DNMBP: variants seen among roughly 807,000 people sequenced by gnomAD.
The protein encoded by DNMBP is dynamin-binding protein.
A neutral mutation model predicts 150.0 loss-of-function variants in DNMBP; 87 were observed. The ratio of observed to expected loss-of-function variants is 0.58; its 90% confidence interval spans 0.49 to 0.69. The LOEUF (loss-of-function observed/expected upper bound fraction) is 0.69. Among genes scored for constraint, DNMBP ranks in the 30% least tolerant of loss-of-function variants. DNMBP has a pLI of 0.00. For synonymous variants in DNMBP, 711 were observed against 750.4 expected (o/e 0.95, Z 0.86); for missense variants, 1,774 against 1,949.0 (o/e 0.91, Z 1.69).
In DNMBP at chr10:99,881,585, C is replaced by A. The variant is rs4454648; in HGVS notation, c.3998-1224G>T. ...TTGATGCATTTCCTGTACCTGACAG[C>A]TGATCTGAATACTGTGGCTTCCTGC... is the stretch of plus-strand genomic sequence containing the variant. On this transcript the variant is annotated intron_variant, in intron 15 of 16. Transcript: ENST00000324109. Among the ~76,000 whole-genome samples, 3 of 152,314 alleles carry A rather than the reference C, an allele frequency of 2.0e-5. No individual in the cohort carries two copies. In the East Asian group the frequency reaches 5.8e-4, roughly 29 times the overall value.
intron 1 of DNMBP, among the ~76,000 whole-genome samples, chr10:99,996,896 C>T (rs1005155597): frequency 6.6e-6 from 1 of 152,142 alleles, no homozygotes; most frequent in Non-Finnish European, 1.5e-5. Flanking sequence ...AAGAAAAATA[C>T]AAGAAAACGG....
intron 2 of DNMBP, among the ~76,000 whole-genome samples, chr10:99,970,969 C>T (rs1354840350): frequency 1.6e-4 from 3 of 19,108 alleles, no homozygotes; most frequent in South Asian, 1.9e-3. Flanking sequence ...AAGACTCCGT[C>T]TCAAAAAAAA....
chr10:99,913,996 G>A (rs761660532), intron 4 of DNMBP: 19 of 1,504,684 alleles, frequency 1.3e-5, no homozygotes, highest in Non-Finnish European at 1.5e-5. Context: ...GTGGGCCTGA[G>A]GGTAAGCAGG....
rs1049255326 is a variant in DNMBP, at chr10:99,976,302, T to C, written c.-10-4168A>G. On this transcript the variant is annotated intron_variant, in intron 1 of 16. Coordinates refer to ENST00000324109, the MANE Select transcript of DNMBP (RefSeq NM_015221.4). ...CTGGTTAACTTTGATTGTTTAAAAA[T>C]AGACACACTCCAGACTTCCCTGACT... 4.6e-5 allele frequency among the ~76,000 whole-genome samples: 7 copies of C among 152,232 alleles called. No individual in the cohort carries two copies. In the South Asian group the frequency reaches 6.2e-4, roughly 13 times the overall value.
intron 4 of DNMBP, among the ~76,000 whole-genome samples, chr10:99,945,168 T>C (rs2040342745): frequency 6.6e-6 from 1 of 151,348 alleles, no homozygotes. Context: ...TCTTTCTAAA[T>C]CAAAAACAAA....
rs935457823 is a variant in DNMBP, at chr10:99,876,878, C to T, written c.*273G>A. 8.9e-6 allele frequency: 3 copies of T among 337,700 alleles called. No individual in the cohort carries two copies. The highest frequency in any genetic ancestry group is 1.1e-5 in the Non-Finnish European group (2 of 188,314). The allele number at this position is 337,700 out of a possible 1,614,324, so 20.9% of individuals were successfully genotyped here. On this transcript the variant is annotated 3_prime_UTR_variant, in exon 17 of 17. Transcript: ENST00000324109. ...CTTCTGACTGCAAGTTTCTCCTTTCCAAAAGCCAGCTCTAAGACTTGTCTC... is the reference window on the plus strand; with the variant it reads ...CTTCTGACTGCAAGTTTCTCCTTTCTAAAAGCCAGCTCTAAGACTTGTCTC...
chr10:99,883,919 C>CT (rs768381295), intron 15 of DNMBP, 92 bp downstream of exon 15: 84 of 1,220,386 alleles, frequency 6.9e-5, no homozygotes, highest in Non-Finnish European at 8.3e-5. Context: ...ATACTTTTTG[C>CT]TTTTTTTTCC....
Position 99,969,309 on chromosome 10 carries a change from A to G in DNMBP, c.146-72T>C, listed in dbSNP as rs1424800700. 6 of 1,552,376 alleles carry G rather than the reference A, an allele frequency of 3.9e-6. No individual in the cohort carries two copies. In the Admixed American group the frequency reaches 1.1e-4, roughly 27 times the overall value. ...TTCCCGTCTGTGTACAAGGACAAAA[A>G]CTTTTCTTCTGAGTCCATGTATAGA... On this transcript the variant is annotated intron_variant, in intron 2 of 16. Coordinates refer to ENST00000324109, the MANE Select transcript of DNMBP (RefSeq NM_015221.4).
At chr10:99,896,497 T>C in intron 9 of DNMBP, 100 bp from the exon 10 acceptor site, 1 of 1,118,364 alleles carries the variant, frequency 8.9e-7, no homozygotes, top group Non-Finnish European at 1.4e-6. Context: ...GTCCTTGTCT[T>C]CAATGAGCTT....
chr10:99,950,188 CTCTT>C (rs1322071198), intron 4 of DNMBP, among the ~76,000 whole-genome samples: 3 of 152,222 alleles, frequency 2.0e-5, no homozygotes, highest in African/African-American at 4.8e-5. Flanking sequence ...CACAAGCTCT[CTCTT>C]TGCCAGCTGC....
At chr10:99,990,800 CATATATACACATATAT>C (rs1296951130) in intron 1 of DNMBP, among the ~76,000 whole-genome samples, 7 of 93,842 alleles carry the variant, frequency 7.5e-5, no homozygotes, top group Non-Finnish European at 1.3e-4. Context: ...TATATACACA[CATATATACACATATAT>C]ATATATACAC....
intron 1 of DNMBP, among the ~76,000 whole-genome samples, chr10:99,993,391 C>G (rs2040918136): frequency 6.6e-6 from 1 of 152,156 alleles, no homozygotes; most frequent in East Asian, 1.9e-4. Context: ...TGTGGATATA[C>G]TAAAAACCAC....
chr10:99,987,679 G>A (rs894433923), intron 1 of DNMBP, among the ~76,000 whole-genome samples: 1 of 151,674 alleles, frequency 6.6e-6, no homozygotes, highest in Non-Finnish European at 1.5e-5. Flanking sequence ...AGGTTGCAGT[G>A]AGCTGAGATC....
At chr10:99,953,819 A>AAAAAAAGAAAAAAG (rs1229016312) in intron 4 of DNMBP, among the ~76,000 whole-genome samples, 15 of 133,532 alleles carry the variant, frequency 1.1e-4, no homozygotes, top group African/African-American at 4.1e-4. Context: ...GTCTCAAAAA[A>AAAAAAAGAAAAAAG]AAAAAGAAAA....
chr10:99,995,656 G>T (rs1415579453), intron 1 of DNMBP, among the ~76,000 whole-genome samples: 1 of 152,234 alleles, frequency 6.6e-6, no homozygotes, highest in Non-Finnish European at 1.5e-5. Context: ...GGCCAGAGTG[G>T]TTGCAGATAT....
chr10:99,905,343 C>T (rs1034072438), intron 6 of DNMBP, among the ~76,000 whole-genome samples: 8 of 152,230 alleles, frequency 5.3e-5, no homozygotes, highest in African/African-American at 1.9e-4. Context: ...GCCTGCACGA[C>T]AGAAAGACTT....
chr10:99,969,331 T>C (rs1381374466), intron 2 of DNMBP, 94 bp from the exon 3 acceptor site: 3 of 1,327,300 alleles, frequency 2.3e-6, no homozygotes, highest in East Asian at 4.8e-5. Flanking sequence ...AGTCCATGTA[T>C]AGACCGTAAC....
intron 11 of DNMBP, among the ~76,000 whole-genome samples, chr10:99,889,684 C>T (rs553910121): frequency 1.3e-5 from 2 of 152,242 alleles, no homozygotes; most frequent in East Asian, 3.9e-4. Context: ...GACCCCATCT[C>T]TACAATGCTG....
intron 4 of DNMBP, among the ~76,000 whole-genome samples, chr10:99,915,108 A>AATAAAT (rs1554863108): frequency 1.0e-5 from 1 of 99,804 alleles, no homozygotes; most frequent in Non-Finnish European, 1.9e-5. Flanking sequence ...AAAAAAAAAA[A>AATAAAT]ATATATATAT....
Sources: gnomAD v4.1 joint callset for allele counts (sites outside exome capture counted in the v4.1 genomes callset) on GRCh38, gnomAD v4.1.1 for gene constraint, MANE v1.5 for transcripts, NCBI Gene and HGNC (gene_info 2026-07-23, HGNC 2026-07-21) for gene names.